Variants in SSBP3 observed in about 807,000 individuals in gnomAD.
The protein encoded by SSBP3 is single-stranded DNA-binding protein 3.
SSBP3 carries 5 observed loss-of-function variants against 69.6 expected under a neutral mutation model. The observed-to-expected ratio is 0.07, with a 90% CI of 0.04 to 0.15. The LOEUF (loss-of-function observed/expected upper bound fraction) is 0.15. Among genes scored for constraint, SSBP3 ranks in the 10% least tolerant of loss-of-function variants. The probability of loss-of-function intolerance (pLI) is 1.00; values close to 1 mark genes in which losing one functional copy is unlikely to be tolerated. For synonymous variants in SSBP3, 196 were observed against 193.4 expected, an observed-to-expected ratio of 1.01 and a Z score of -0.11; for missense variants, 312 against 534.0, an observed-to-expected ratio of 0.58 and a Z score of 4.10.
In SSBP3 at chr1:54,254,940, C is replaced by T. The variant is rs1024454005; in HGVS notation, c.507+2187G>A. ...CTCCGACTCCTAGGTCCCAGCGATT[C>T]TCCTGCCTCAGCCTCCTGGGTAGCT... On this transcript the variant is annotated intron_variant, in intron 7 of 17. Transcript: ENST00000610401. Among the ~76,000 whole-genome samples, 3 of 152,154 alleles carry T rather than the reference C, an allele frequency of 2.0e-5. No individual in the cohort carries two copies. The East Asian group carries it at 5.8e-4, about 29-fold the overall frequency.
At chr1:54,337,388 T>C (rs1350091782) in intron 4 of SSBP3, among the ~76,000 whole-genome samples, 1 of 151,794 alleles carries the variant, frequency 6.6e-6, no homozygotes, top group Non-Finnish European at 1.5e-5. Context: ...GCAGGGATCT[T>C]AGGGCAGGCT....
At chr1:54,250,673 A>G (rs1381709063) in intron 9 of SSBP3, among the ~76,000 whole-genome samples, 1 of 152,156 alleles carries the variant, frequency 6.6e-6, no homozygotes, top group African/African-American at 2.4e-5. Context: ...GAAGGGAAAG[A>G]ACACCTGAGA....
intron 14 of SSBP3, among the ~76,000 whole-genome samples, chr1:54,231,387 C>A (rs983002737): frequency 1.3e-5 from 2 of 152,322 alleles, no homozygotes; most frequent in Middle Eastern, 3.4e-3. Flanking sequence ...TGGGTTATTA[C>A]TGAGTTTTTC....
chr1:54,235,471 T>TC (rs1368479092), intron 14 of SSBP3, among the ~76,000 whole-genome samples: 1 of 111,464 alleles, frequency 9.0e-6, no homozygotes, highest in Non-Finnish European at 1.9e-5. Context: ...TTTTTTTTTT[T>TC]TTGAGATGGA....
At chr1:54,240,985 A>C in intron 12 of SSBP3, 26 bp from the exon 13 acceptor site, 1 of 1,597,792 alleles carries the variant, frequency 6.3e-7, no homozygotes, top group East Asian at 2.3e-5. Flanking sequence ...AACTGACATC[A>C]GACACCCACG....
At chr1:54,411,223 T>A (rs1318070300), upstream of SSBP3, among the ~76,000 whole-genome samples, 2 of 152,188 alleles carry the variant, frequency 1.3e-5, no homozygotes, top group Non-Finnish European at 2.9e-5. Context: ...CTCACACCTG[T>A]AATCTCAGCA....
chr1:54,319,121 C>T lies in SSBP3; in HGVS notation c.277-37594G>A, dbSNP rs577602209. 1.2e-4 allele frequency among the ~76,000 whole-genome samples: 18 copies of T among 152,318 alleles called. No individual in the cohort carries two copies. The East Asian group carries it at 3.3e-3, about 28-fold the overall frequency. On this transcript the variant is annotated intron_variant, in intron 4 of 17. Transcript: ENST00000610401. ...ACCAGCCCTGAGCACTGGGGACCTG[C>T]AGGTGCTTCTACATGTGTTCTTTCT... is the stretch of plus-strand genomic sequence containing the variant.
At chr1:54,299,340 G>T (rs1366422157) in intron 4 of SSBP3, among the ~76,000 whole-genome samples, 1 of 152,126 alleles carries the variant, frequency 6.6e-6, no homozygotes, top group Admixed American at 6.5e-5. Flanking sequence ...GGCAGTCACG[G>T]GGGCGTGCTA....
chr1:54,308,086 AT>A (rs1315473593), intron 4 of SSBP3, among the ~76,000 whole-genome samples: 5 of 152,154 alleles, frequency 3.3e-5, no homozygotes, highest in African/African-American at 9.7e-5. Context: ...TATAGAATCC[AT>A]TAAGTCATGT....
At chr1:54,402,832 G>A (rs939791271) in intron 3 of SSBP3, among the ~76,000 whole-genome samples, 2 of 152,114 alleles carry the variant, frequency 1.3e-5, no homozygotes, top group Non-Finnish European at 2.9e-5. Context: ...ATTCAAACAC[G>A]GAGTTGTCAG....
At chr1:54,410,869 A>G (rs1270544092), upstream of SSBP3, among the ~76,000 whole-genome samples, 1 of 152,220 alleles carries the variant, frequency 6.6e-6, no homozygotes. Flanking sequence ...GATGATGGAG[A>G]GTAGCCGCTT....
At chr1:54,333,005 G>A (rs947985961) in intron 4 of SSBP3, among the ~76,000 whole-genome samples, 1 of 152,178 alleles carries the variant, frequency 6.6e-6, no homozygotes, top group African/African-American at 2.4e-5. Flanking sequence ...GTTCTGCTGC[G>A]CTTGACAACC....
At chr1:54,313,451 T>C (rs1569761941) in intron 4 of SSBP3, among the ~76,000 whole-genome samples, 4 of 148,938 alleles carry the variant, frequency 2.7e-5, no homozygotes, top group South Asian at 2.2e-4. Flanking sequence ...TTTTTTTTTT[T>C]TTTTTTTTTT....
intron 4 of SSBP3, among the ~76,000 whole-genome samples, chr1:54,365,533 C>T (rs1258593133): frequency 1.3e-5 from 2 of 152,174 alleles, no homozygotes; most frequent in African/African-American, 4.8e-5. Context: ...TACTAAGTGG[C>T]CTGAGCAGGT....
chr1:54,274,107 A>T (rs1040900829), intron 5 of SSBP3, among the ~76,000 whole-genome samples: 3 of 152,172 alleles, frequency 2.0e-5, no homozygotes, highest in Non-Finnish European at 4.4e-5. Flanking sequence ...AGGAGGCTGC[A>T]TCTATCAGAC....
At position 54,258,676 on chromosome 1, in the gene SSBP3, C is replaced by T. The variant is rs538065736; in HGVS notation, c.367-527G>A. The stretch of plus-strand genomic sequence containing the variant: ...ATCAAGTGTCAGGGAGAGGCCCAGG[C>T]GACGGGTTTCCTGGGGGCAGGAGGG... On this transcript the variant is annotated intron_variant, in intron 5 of 17. Coordinates refer to ENST00000610401, the Ensembl canonical transcript of SSBP3. This position sits in a 1 kb window ranked among gnomAD's most constrained non-coding sequence, Gnocchi z 4.5. Among the ~76,000 whole-genome samples, 13 of 152,158 alleles carry T rather than the reference C, an allele frequency of 8.5e-5. No homozygotes were observed. Among genetic ancestry groups the T allele is most frequent in the East Asian group, 7.7e-4 (4 of 5,168 alleles).
At chr1:54,257,511 G>A (rs149227883) in intron 6 of SSBP3, among the ~76,000 whole-genome samples, 1 of 152,198 alleles carries the variant, frequency 6.6e-6, no homozygotes, top group East Asian at 1.9e-4. Flanking sequence ...TCTCGGTAAG[G>A]GCAAATGAAA....
At chr1:54,320,808 T>C (rs1646198425) in intron 4 of SSBP3, among the ~76,000 whole-genome samples, 1 of 152,040 alleles carries the variant, frequency 6.6e-6, no homozygotes, top group Admixed American at 6.6e-5. Flanking sequence ...CACGGAAGCT[T>C]CTGGGGCTTT....
rs530962103 is a variant in SSBP3 at position 54,263,987 on chromosome 1, C to A, written c.367-5838G>T. 4.0e-3 allele frequency among the ~76,000 whole-genome samples: 602 copies of A among 150,804 alleles called. 4 individuals carry two copies. The highest frequency in any genetic ancestry group is 0.012 in the African/African-American group (502 of 40,270). ...AGCTCCTTAAAACCAAAACCAAAAC[C>A]AAAACAAAAACAAAAACAAAAGCAA... On this transcript the variant is annotated intron_variant, in intron 5 of 17. Coordinates refer to ENST00000610401, the Ensembl canonical transcript of SSBP3.
Sources: gnomAD v4.1 joint callset for allele counts (sites outside exome capture counted in the v4.1 genomes callset) on GRCh38, gnomAD v4.1.1 for gene constraint, Gnocchi (gnomAD v3.1) non-coding constraint, MANE v1.5 for transcripts, NCBI Gene and HGNC (gene_info 2026-07-23, HGNC 2026-07-21) for gene names.